Variants in HERC2 observed in about 807,000 individuals in gnomAD.
HERC2 encodes the protein HECT and RLD domain containing E3 ubiquitin protein ligase 2, also known as E3 ubiquitin-protein ligase HERC2.
In HERC2, 102 loss-of-function variants were observed where a neutral mutation model predicts 537.7. The ratio of observed to expected loss-of-function variants is 0.19; its 90% CI spans 0.16 to 0.22. The LOEUF (loss-of-function observed/expected upper bound fraction) is 0.22. Among genes scored for constraint, HERC2 ranks in the 10% least tolerant of loss-of-function variants. The pLI is 1.00. For missense variants in HERC2, 4,236 were observed against 6,198.2 expected (o/e 0.68, Z 10.63); for synonymous variants, 2,224 against 2,466.2 (o/e 0.90, Z 2.91).
chr15:28,123,755 C>T (rs905870614), intron 85 of HERC2, among the ~76,000 whole-genome samples: 7 of 152,256 alleles, frequency 4.6e-5, no homozygotes, highest in African/African-American at 1.7e-4. Context: ...TATGAAGGCC[C>T]CACCTCATCC....
At position 28,233,523 on chromosome 15, in the gene HERC2, C is replaced by A. The variant is rs748069514; in HGVS notation, c.4390G>T (p.Gly1464Cys). The change falls in exon 29 of 93, where the codon GGT (glycine) becomes TGT (cysteine). Residue 1464 changes from glycine (G) to cysteine (C), a missense_variant. Transcript: ENST00000261609. The stretch of plus-strand genomic sequence containing the variant: ...GTTCTGTGCTTTACTTGCTCAATAC[C>A]AAGTGCACCTGCATGAACTAAAGAT... ...ALSLVHAGAL[G>C]IEQVKHRTLP... The A allele has an allele frequency of 6.3e-6, 10 of 1,590,190 alleles. No individual in the cohort carries two copies. Among genetic ancestry groups the A allele is most frequent in the South Asian group, 1.1e-5 (1 of 90,546 alleles).
intron 1 of HERC2, 37 bp from the exon 2 acceptor site, chr15:28,321,501 T>A: frequency 9.1e-7 from 1 of 1,093,010 alleles, no homozygotes; most frequent in Non-Finnish European, 1.4e-6. Flanking sequence ...CCTAACGCTT[T>A]TTAATAGTTT....
intron 52 of HERC2, among the ~76,000 whole-genome samples, chr15:28,194,206 C>A (rs1897125996): frequency 6.6e-6 from 1 of 150,908 alleles, no homozygotes; most frequent in Non-Finnish European, 1.5e-5. Context: ...GCTGGGACTA[C>A]AGGCGCCCGC....
In HERC2 at chr15:28,275,105, C is replaced by T; in HGVS notation, c.543-100G>A. The T allele has an allele frequency of 9.9e-6, 6 of 607,022 alleles. No homozygotes were observed. The South Asian group carries it at 1.5e-4, about 16-fold the overall frequency. 37.6% of individuals were successfully genotyped at this position (607,022 alleles called of 1,614,324 possible). A position where few individuals can be genotyped will look rare whatever the true frequency, so the allele number is the denominator to read the frequency against. ...GAAAGGGTGTGTACCAAAATCCGACCAATGGTTTTCTTCAAGTGACAGGAT... is the reference window on the plus strand; with the variant it reads ...GAAAGGGTGTGTACCAAAATCCGACTAATGGTTTTCTTCAAGTGACAGGAT... On this transcript the variant is annotated intron_variant, in intron 5 of 92. Coordinates refer to ENST00000261609, the MANE Select transcript of HERC2 (RefSeq NM_004667.6).
At position 28,177,325 on chromosome 15, in the gene HERC2, C is replaced by A; in HGVS notation, c.9254+94G>T. 7.3e-7 allele frequency: 1 copy of A among 1,371,990 alleles called. No individual in the cohort carries two copies. Among genetic ancestry groups the A allele is most frequent in the South Asian group, 1.2e-5 (1 of 80,912 alleles). The allele number at this position is 1,371,990 out of a possible 1,614,324, so 85.0% of individuals were successfully genotyped here. A position where few individuals can be genotyped will look rare whatever the true frequency, so the allele number is the denominator to read the frequency against. On this transcript the variant is annotated intron_variant, in intron 60 of 92. Transcript: ENST00000261609. This position sits in a 1 kb window ranked among gnomAD's most constrained non-coding sequence, Gnocchi z 5.0. ...TTTGTTTAAGAACCATTTCTATAAT[C>A]TATTCTATTCTAATTTTCTGCAAAA...
chr15:28,130,394 A>G (rs1007938918), intron 82 of HERC2, 92 bp from the exon 83 acceptor site: 106 of 1,592,734 alleles, frequency 6.7e-5, no homozygotes, highest in Non-Finnish European at 8.3e-5. Context: ...TGTTCAGGAC[A>G]CAACCATAGC....
chr15:28,176,791 A>G lies in HERC2; in HGVS notation c.9433-23T>C, dbSNP rs1895330274. On this transcript the variant is annotated intron_variant, in intron 61 of 92. Transcript: ENST00000261609. This position sits in a 1 kb window ranked among gnomAD's most constrained non-coding sequence, Gnocchi z 5.0. ...CACCTACTCAATTACAAATTTAAAA[A>G]CAGAATCACGCACAGGCACGGAGAA... The G allele has an allele frequency of 1.2e-6, 2 of 1,610,114 alleles. No individual in the cohort carries two copies. Among genetic ancestry groups the G allele is most frequent in the Non-Finnish European group, 1.7e-6 (2 of 1,177,222 alleles).
Position 28,254,406 on chromosome 15 carries a change from G to A in HERC2, c.2984C>T (p.Thr995Met), listed in dbSNP as rs147116947. 8 of 1,607,842 alleles carry A rather than the reference G, an allele frequency of 5.0e-6. No homozygotes were observed. The highest frequency in any genetic ancestry group is 1.7e-5 in the Admixed American group (1 of 58,926). Reference sequence around the variant, plus strand: ...TTTGCCAGAAGACTCACAGATCCCCGTATTAATAAGGTCTTTATCCAGTGG... The same window carrying A: ...TTTGCCAGAAGACTCACAGATCCCCATATTAATAAGGTCTTTATCCAGTGG... ...RTPLDKDLIN[T>M]GICESSGKQC... The change falls in exon 20 of 93, where the codon ACG becomes ATG. Residue 995 changes from threonine to methionine, a missense_variant. Thr to Met is a moderately conservative substitution (Grantham distance 81, BLOSUM62 -1). Around this residue, in one of 27 missense-constraint regions of HERC2, gnomAD observed 754 missense variants for 1,085.0 expected, o/e 0.69. Transcript: ENST00000261609.
At chr15:28,273,249 C>A in intron 7 of HERC2, 5 of 558,172 alleles carry the variant, frequency 9.0e-6, no homozygotes, top group Non-Finnish European at 1.6e-5. Flanking sequence ...ATGACATACT[C>A]CATGTATATG....
chr15:28,321,716 G>T (rs75224447), intron 1 of HERC2, among the ~76,000 whole-genome samples: 13,373 of 127,200 alleles, frequency 0.11, 1,671 homozygotes, highest in East Asian at 0.39. Context: ...CTTGAGAATG[G>T]ACGGTCACAG....
intron 67 of HERC2, 96 bp downstream of exon 67, chr15:28,168,310 GA>G (rs1312359525): frequency 8.1e-7 from 1 of 1,237,766 alleles, no homozygotes; most frequent in African/African-American, 1.5e-5. Flanking sequence ...GGGAGGCACA[GA>G]AACAGCCTAA....
chr15:28,132,355 G>A lies in HERC2; in HGVS notation c.12409-94C>T, dbSNP rs1890195274. 3.3e-6 allele frequency: 4 copies of A among 1,207,138 alleles called. No individual in the cohort carries two copies. In the South Asian group the frequency reaches 6.7e-5, roughly 20 times the overall value. The allele number at this position is 1,207,138 out of a possible 1,614,324, so 74.8% of individuals were successfully genotyped here. ...AACACTGCCATTCTTTTTTTATGGG[G>A]GTACCTGTTTTAAGCCTTTACAAAG... is the stretch of plus-strand genomic sequence containing the variant. On this transcript the variant is annotated intron_variant, in intron 80 of 92. Transcript: ENST00000261609.
Position 28,168,510 on chromosome 15 carries a change from G to C in HERC2, c.10310C>G (p.Ser3437Cys), listed in dbSNP as rs1894373942. ...GGGACTAGCCATCGCAGATGCGTCG[G>C]AAGGGGCCGCCGAGGAGAACGAGGG... is the stretch of plus-strand genomic sequence containing the variant. ...ECPSFSSAAPSDASAMASPMN... is the reference protein window; with the variant it reads ...ECPSFSSAAPCDASAMASPMN... Residue 3437 changes from serine (S) to cysteine (C), a missense_variant, in exon 67 of 93, where the codon TCC (serine) becomes TGC (cysteine). Ser to Cys is a moderately radical substitution (Grantham distance 112). Around this residue, in one of 27 missense-constraint regions of HERC2, gnomAD observed 356 missense variants for 450.9 expected, o/e 0.79. Transcript: ENST00000261609. The C allele has an allele frequency of 1.2e-6, 2 of 1,614,070 alleles. No individual in the cohort carries two copies.
At chr15:28,126,266 CTG>C (rs1238510669) in intron 83 of HERC2, among the ~76,000 whole-genome samples, 6 of 152,192 alleles carry the variant, frequency 3.9e-5, no homozygotes, top group African/African-American at 1.4e-4. Context: ...AACAAGCTAT[CTG>C]TGAAAACGCG....
intron 56 of HERC2, among the ~76,000 whole-genome samples, chr15:28,184,195 T>A (rs1427903008): frequency 1.3e-5 from 2 of 151,980 alleles, no homozygotes; most frequent in Non-Finnish European, 2.9e-5. Context: ...TATCTCAAAA[T>A]ATATATATAT....
chr15:28,220,336 G>A (rs1203169466), intron 37 of HERC2, 116 bp downstream of exon 37: 45 of 901,386 alleles, frequency 5.0e-5, no homozygotes, highest in East Asian at 9.6e-5. Context: ...AGGACAGAGC[G>A]CCAGCTGCAG....
chr15:28,196,457 T>C lies in HERC2; in HGVS notation c.8120+4A>G. 1.2e-6 allele frequency: 2 copies of C among 1,607,818 alleles called. No individual in the cohort carries two copies. The highest frequency in any genetic ancestry group is 1.7e-6 in the Non-Finnish European group (2 of 1,175,516). On this transcript the variant is annotated splice_donor_region_variant and intron_variant, in intron 51 of 92. Transcript: ENST00000261609. ...CAAATCTAGCAACCATAAAAATAAC[T>C]CACGTAACCCCAGGATGAATACTGG...
chr15:28,226,506 G>A (rs1567040454), intron 35 of HERC2, among the ~76,000 whole-genome samples: 1 of 151,990 alleles, frequency 6.6e-6, no homozygotes, highest in East Asian at 1.9e-4. Flanking sequence ...GAACTTCAGG[G>A]AAAGAACAGT....
Position 28,162,594 on chromosome 15 carries a change from T to C in HERC2, c.10746+500A>G, listed in dbSNP as rs537103255. 3.3e-5 allele frequency among the ~76,000 whole-genome samples: 5 copies of C among 152,152 alleles called. No individual in the cohort carries two copies. The South Asian group carries it at 1.0e-3, about 32-fold the overall frequency. ...TTTAAAAAGATGCACAAATCAGTTA[T>C]AAAACAGGTAAAGGGGCCAGGTTTG... On this transcript the variant is annotated intron_variant, in intron 69 of 92. Coordinates refer to ENST00000261609, the MANE Select transcript of HERC2 (RefSeq NM_004667.6).
Sources: gnomAD v4.1 joint callset for allele counts (sites outside exome capture counted in the v4.1 genomes callset) on GRCh38, gnomAD v4.1.1 for gene constraint, gnomAD v4.1.1 regional missense constraint, Gnocchi (gnomAD v3.1) non-coding constraint, MANE v1.5 for transcripts, NCBI Gene and HGNC (gene_info 2026-07-23, HGNC 2026-07-21) for gene names.